The following AGBL4 variants were observed in gnomAD, a reference collection of about 807,000 sequenced individuals.
The protein encoded by AGBL4 is cytosolic carboxypeptidase 6.
In AGBL4, 58 loss-of-function variants were observed where a neutral mutation model predicts 66.4. The ratio of observed to expected loss-of-function variants is 0.87; its 90% CI spans 0.71 to 1.09. The LOEUF (loss-of-function observed/expected upper bound fraction) is 1.09. Among genes scored for constraint, AGBL4 ranks in the 50% least tolerant of loss-of-function variants. The pLI, the probability that AGBL4 is intolerant of heterozygous loss-of-function variation, is 0.00. For synonymous variants in AGBL4, 234 were observed against 222.9 expected (o/e 1.05, Z -0.44); for missense variants, 579 against 631.0 (o/e 0.92, Z 0.88).
chr1:49,943,282 G>T (rs1438973348), intron 1 of AGBL4, among the ~76,000 whole-genome samples: 1 of 152,134 alleles, frequency 6.6e-6, no homozygotes, highest in Non-Finnish European at 1.5e-5. Flanking sequence ...TGGGAGGCAG[G>T]AGTAGATTGC....
intron 1 of AGBL4, among the ~76,000 whole-genome samples, chr1:49,906,765 T>G (rs1650318131): frequency 6.6e-6 from 1 of 152,094 alleles, no homozygotes; most frequent in African/African-American, 2.4e-5. Context: ...AATACTACTT[T>G]CTGCCTCTAA....
intron 3 of AGBL4, among the ~76,000 whole-genome samples, chr1:49,531,464 T>C (rs576137674): frequency 6.6e-6 from 1 of 152,002 alleles, no homozygotes; most frequent in Non-Finnish European, 1.5e-5. Flanking sequence ...AGTCCAGAGA[T>C]GAAAAAATGA....
intron 4 of AGBL4, among the ~76,000 whole-genome samples, chr1:49,237,439 T>G (rs2148311412): frequency 6.6e-6 from 1 of 150,662 alleles, no homozygotes; most frequent in South Asian, 2.1e-4. Flanking sequence ...CTTCCCAGTC[T>G]TAGGTATGTC....
chr1:49,959,009 C>T (rs1268036487), intron 1 of AGBL4, among the ~76,000 whole-genome samples: 2 of 149,980 alleles, frequency 1.3e-5, no homozygotes, highest in Non-Finnish European at 3.0e-5. Flanking sequence ...CAAAAGCAGC[C>T]CAAGATAAAA....
At chr1:49,997,645 C>A (rs1660462340) in intron 1 of AGBL4, among the ~76,000 whole-genome samples, 1 of 152,052 alleles carries the variant, frequency 6.6e-6, no homozygotes, top group Non-Finnish European at 1.5e-5. Flanking sequence ...CTAGACAGGT[C>A]ATCAAGACAG....
chr1:48,929,560 A>G (rs529796970), intron 5 of AGBL4, among the ~76,000 whole-genome samples: 19 of 152,308 alleles, frequency 1.2e-4, no homozygotes, highest in South Asian at 4.1e-4. Context: ...ACTCATGGCA[A>G]CTTGTATGGC....
At position 48,736,477 on chromosome 1, in the gene AGBL4, C is replaced by A. The variant is rs1378403791; in HGVS notation, c.635-73236G>T. 3 of 1,603,322 alleles carry A rather than the reference C, an allele frequency of 1.9e-6. No individual in the cohort carries two copies. The highest frequency in any genetic ancestry group is 2.6e-6 in the Non-Finnish European group (3 of 1,170,918). On this transcript the variant is annotated intron_variant, in intron 6 of 13. Transcript: ENST00000371839. This position sits in a 1 kb window ranked among gnomAD's most constrained non-coding sequence, Gnocchi z 4.0. Reference sequence around the variant, plus strand: ...CCTGAGAGGAATAAGAACACCAGCACCTGTTTAGTCCGACAGGAGGGCAGT... The same window carrying A: ...CCTGAGAGGAATAAGAACACCAGCAACTGTTTAGTCCGACAGGAGGGCAGT...
rs561993009 is a variant in AGBL4 at position 49,836,188 on chromosome 1, T to A, written c.157+15208A>T. Among the ~76,000 whole-genome samples the A allele has an allele frequency of 7.2e-4, 109 of 152,316 alleles. 1 individual carries two copies. The highest frequency in any genetic ancestry group is 2.6e-3 in the African/African-American group (108 of 41,576). ...AAGTGTGTTTTCCAACTTGGTTCCA[T>A]TCTCCCCATCACTTTCAGGTATACC... On this transcript the variant is annotated intron_variant, in intron 2 of 13. Transcript: ENST00000371839.
chr1:49,671,841 AT>A (rs1386943087), intron 3 of AGBL4, among the ~76,000 whole-genome samples: 1 of 152,092 alleles, frequency 6.6e-6, no homozygotes, highest in Non-Finnish European at 1.5e-5. Flanking sequence ...AATAACAGAT[AT>A]TGGTGAGGTT....
intron 1 of AGBL4, among the ~76,000 whole-genome samples, chr1:49,971,126 C>T (rs964146584): frequency 6.6e-5 from 10 of 152,250 alleles, no homozygotes; most frequent in African/African-American, 1.2e-4. Context: ...TACTTTTTGG[C>T]GTTTCAGTTA....
rs115747093 is a variant in AGBL4, at chr1:49,621,937, C to T, written c.282+75376G>A. Among the ~76,000 whole-genome samples, 1,003 of 152,306 alleles carry T rather than the reference C, an allele frequency of 6.6e-3. 6 individuals carry two copies. Among genetic ancestry groups the T allele is most frequent in the Middle Eastern group, 0.014 (4 of 294 alleles). The stretch of plus-strand genomic sequence containing the variant: ...ACTGTTCTCTTCAGTCCTTTATACT[C>T]TTTCTCCATCTGTCACATTCTCATC... On this transcript the variant is annotated intron_variant, in intron 3 of 13. Transcript: ENST00000371839.
intron 3 of AGBL4, among the ~76,000 whole-genome samples, chr1:49,380,377 C>A (rs1282250366): frequency 6.6e-6 from 1 of 152,140 alleles, no homozygotes; most frequent in Non-Finnish European, 1.5e-5. Context: ...ATTCCATGCT[C>A]ATGGGTAGGA....
chr1:49,001,802 C>T (rs1366045000), intron 5 of AGBL4, among the ~76,000 whole-genome samples: 1 of 152,082 alleles, frequency 6.6e-6, no homozygotes, highest in East Asian at 1.9e-4. Context: ...AGTAATGCTC[C>T]TTGTCCTTGG....
chr1:49,419,674 A>G (rs1045191136), intron 3 of AGBL4, among the ~76,000 whole-genome samples: 2 of 152,204 alleles, frequency 1.3e-5, no homozygotes, highest in Non-Finnish European at 2.9e-5. Context: ...CAAAATAAAC[A>G]GATTAAATCC....
intron 2 of AGBL4, among the ~76,000 whole-genome samples, chr1:49,792,293 A>G (rs1236077564): frequency 6.6e-6 from 1 of 152,054 alleles, no homozygotes; most frequent in Non-Finnish European, 1.5e-5. Context: ...AATTTAGCAT[A>G]GCTTCCTGAT....
At chr1:49,972,772 G>A (rs1421290267) in intron 1 of AGBL4, among the ~76,000 whole-genome samples, 9 of 152,006 alleles carry the variant, frequency 5.9e-5, no homozygotes, top group African/African-American at 2.2e-4. Context: ...AGGTATGTAC[G>A]TAGAAGAAAA....
At chr1:49,721,355 C>T (rs891196279) in intron 2 of AGBL4, among the ~76,000 whole-genome samples, 2 of 151,926 alleles carry the variant, frequency 1.3e-5, no homozygotes, top group African/African-American at 4.9e-5. Flanking sequence ...GTCCGTGCCA[C>T]CTTTAAAAGC....
At chr1:49,149,497 T>C (rs1014881042) in intron 4 of AGBL4, among the ~76,000 whole-genome samples, 5 of 152,238 alleles carry the variant, frequency 3.3e-5, no homozygotes, top group African/African-American at 7.2e-5. Context: ...ATTCTAGGAA[T>C]GTAGGGACTA....
intron 1 of AGBL4, among the ~76,000 whole-genome samples, chr1:49,859,721 G>C (rs1269908367): frequency 6.6e-6 from 1 of 151,882 alleles, no homozygotes; most frequent in Admixed American, 6.6e-5. Context: ...GATGCTCACT[G>C]TCATCACTCT....
Sources: allele counts gnomAD v4.1 joint callset (sites outside exome capture counted in the v4.1 genomes callset), GRCh38; gene constraint gnomAD v4.1.1; non-coding constraint Gnocchi (gnomAD v3.1); transcripts MANE v1.5; gene names NCBI Gene and HGNC (gene_info 2026-07-23, HGNC 2026-07-21).